Variants in CYB5RL observed in about 807,000 individuals in gnomAD.
CYB5RL encodes the protein NADH-cytochrome b5 reductase-like.
In CYB5RL, 38 loss-of-function variants were observed where a neutral mutation model predicts 37.5. The observed-to-expected ratio is 1.01, with a 90% CI of 0.78 to 1.33. The LOEUF (loss-of-function observed/expected upper bound fraction) is 1.33, where lower values mean the gene tolerates loss of function less well. Among genes scored for constraint, CYB5RL ranks in the 40% most tolerant of loss-of-function variants. The pLI is 0.00. For synonymous variants in CYB5RL, 141 were observed against 151.9 expected (o/e 0.93, Z 0.53); for missense variants, 388 against 394.4 (o/e 0.98, Z 0.14).
chr1:54,187,880 A>AAGTCCTG, intron 4 of CYB5RL, 141 bp from the exon 5 acceptor site: 1 of 658,144 alleles, frequency 1.5e-6, no homozygotes, highest in Non-Finnish European at 2.6e-6. Context: ...GTTTGAGACC[A>AAGTCCTG]GCCTGGACAA....
chr1:54,190,671 T>C (rs1172595042), intron 4 of CYB5RL, 77 bp downstream of exon 4: 1 of 1,534,620 alleles, frequency 6.5e-7, no homozygotes, highest in Non-Finnish European at 8.8e-7. Context: ...GAGAGTACGC[T>C]AGTTGGTCAA....
chr1:54,181,639 C>T (rs1293993595), intron 6 of CYB5RL, among the ~76,000 whole-genome samples: 1 of 152,266 alleles, frequency 6.6e-6, no homozygotes, highest in East Asian at 1.9e-4. Flanking sequence ...TACCATCAGG[C>T]CCTACAGCCT....
At chr1:54,190,134 T>C (rs559101162) in intron 4 of CYB5RL, among the ~76,000 whole-genome samples, 21 of 150,900 alleles carry the variant, frequency 1.4e-4, no homozygotes, top group Middle Eastern at 6.8e-3. Flanking sequence ...GTCTTGTCTC[T>C]GGGCAGGCAG....
At chr1:54,183,215 C>A (rs12068369) in intron 6 of CYB5RL, among the ~76,000 whole-genome samples, 6,517 of 152,222 alleles carry the variant, frequency 0.043, 362 homozygotes, top group East Asian at 0.26. Flanking sequence ...GTACCTGTAG[C>A]CCGGTTTACC....
intron 7 of CYB5RL, among the ~76,000 whole-genome samples, chr1:54,176,929 G>A (rs775660593): frequency 9.9e-5 from 15 of 152,188 alleles, no homozygotes; most frequent in Non-Finnish European, 1.6e-4. Context: ...GAGGGGTACA[G>A]AGGTGGGAGG....
chr1:54,175,823 A>G (rs1016113372), intron 7 of CYB5RL, among the ~76,000 whole-genome samples: 13 of 152,358 alleles, frequency 8.5e-5, no homozygotes, highest in African/African-American at 3.1e-4. Flanking sequence ...TGCATAGATT[A>G]CATGCAAATA....
Position 54,198,489 on chromosome 1 carries a change from C to T in CYB5RL, c.-223+1487G>A, listed in dbSNP as rs868005044. The stretch of plus-strand genomic sequence containing the variant: ...CTGGGACTACAGGCGCCCGCCACCA[C>T]GCCCAGCTAATTTTTTGTATTTTTA... On this transcript the variant is annotated intron_variant, in intron 1 of 7. Transcript: ENST00000534324. 2.7e-4 allele frequency among the ~76,000 whole-genome samples: 41 copies of T among 151,848 alleles called. 1 individual carries two copies. The highest frequency in any genetic ancestry group is 7.7e-4 in the African/African-American group (32 of 41,364).
In CYB5RL at chr1:54,173,347, A is replaced by T. The variant is rs1659938471; in HGVS notation, c.*1272T>A. The T allele has an allele frequency of 6.6e-6, 1 of 152,314 alleles. No homozygotes were observed. Among genetic ancestry groups the T allele is most frequent in the South Asian group, 2.1e-4 (1 of 4,828 alleles). The allele number at this position is 152,314 out of a possible 1,614,324, so 9.4% of individuals were successfully genotyped here. On this transcript the variant is annotated 3_prime_UTR_variant, in exon 8 of 8. Transcript: ENST00000534324. The stretch of plus-strand genomic sequence containing the variant: ...AAGGGGGTACTGGGGATCCATCTGG[A>T]GCTGTCCTTTCACTGCTGCTATGCA...
At chr1:54,190,222 G>A (rs10888837) in intron 4 of CYB5RL, among the ~76,000 whole-genome samples, 82,019 of 152,026 alleles carry the variant, frequency 0.54, 22,621 homozygotes, top group Non-Finnish European at 0.6. Context: ...GGTAAAGAGC[G>A]TAACTCAGGA....
At chr1:54,198,457 C>A (rs375236426) in intron 1 of CYB5RL, among the ~76,000 whole-genome samples, 2 of 151,236 alleles carry the variant, frequency 1.3e-5, no homozygotes, top group Non-Finnish European at 2.9e-5. Context: ...CTCAGCCTCC[C>A]GAGTAGCTGG....
At position 54,179,146 on chromosome 1, in the gene CYB5RL, C is replaced by G; in HGVS notation, c.744+3G>C. 1 of 1,611,428 alleles carries G rather than the reference C, an allele frequency of 6.2e-7. No homozygotes were observed. The highest frequency in any genetic ancestry group is 1.3e-5 in the African/African-American group (1 of 75,030). On this transcript the variant is annotated splice_donor_region_variant and intron_variant, in intron 7 of 7. Transcript: ENST00000534324. Reference sequence around the variant, plus strand: ...AAAAAGAAAGTCACCACCCTGGGCTCACCTGGCTGAGTACAAAGAAGGTAC... The same window carrying G: ...AAAAAGAAAGTCACCACCCTGGGCTGACCTGGCTGAGTACAAAGAAGGTAC...
chr1:54,198,072 C>T (rs1292653271), intron 1 of CYB5RL, among the ~76,000 whole-genome samples: 3 of 133,902 alleles, frequency 2.2e-5, no homozygotes, highest in Non-Finnish European at 3.1e-5. Context: ...GTATCTTATT[C>T]TTTCTGTATT....
intron 1 of CYB5RL, among the ~76,000 whole-genome samples, chr1:54,198,798 AT>A (rs545571241): frequency 6.0e-5 from 9 of 148,846 alleles, no homozygotes; most frequent in South Asian, 2.1e-4. Flanking sequence ...CGCCTCGCTA[AT>A]TTTTTTTTTA....
chr1:54,197,485 G>T (rs750129335), intron 1 of CYB5RL, among the ~76,000 whole-genome samples: 1 of 151,946 alleles, frequency 6.6e-6, no homozygotes, highest in South Asian at 2.1e-4. Flanking sequence ...CACAATGCCC[G>T]GCTAGGTTTT....
intron 6 of CYB5RL, among the ~76,000 whole-genome samples, chr1:54,183,313 A>T (rs975066137): frequency 2.0e-5 from 3 of 152,346 alleles, no homozygotes; most frequent in Non-Finnish European, 2.9e-5. Context: ...CAGAAGAGCC[A>T]GCATTTTGAT....
intron 4 of CYB5RL, 100 bp downstream of exon 4, chr1:54,190,648 T>C: frequency 1.4e-5 from 21 of 1,448,502 alleles, no homozygotes; most frequent in Non-Finnish European, 2.0e-5. Flanking sequence ...AGATGACAAA[T>C]GGAGGCTTAA....
chr1:54,193,476 C>G (rs913442449), intron 3 of CYB5RL, among the ~76,000 whole-genome samples: 1 of 152,118 alleles, frequency 6.6e-6, no homozygotes, highest in African/African-American at 2.4e-5. Flanking sequence ...ACGAACATTC[C>G]CCAGTCACTG....
At chr1:54,179,395 G>C (rs374725217) in intron 6 of CYB5RL, 43 bp from the exon 7 acceptor site, 2 of 1,574,784 alleles carry the variant, frequency 1.3e-6, no homozygotes, top group Non-Finnish European at 1.7e-6. Context: ...GGTTGGGAGA[G>C]TCTCACCTTA....
chr1:54,189,254 A>G (rs1643928406), intron 4 of CYB5RL, among the ~76,000 whole-genome samples: 1 of 152,226 alleles, frequency 6.6e-6, no homozygotes, highest in South Asian at 2.1e-4. Flanking sequence ...AGCACAGAGC[A>G]TGGCTTGGCT....
Sources: allele counts gnomAD v4.1 joint callset (sites outside exome capture counted in the v4.1 genomes callset), GRCh38; gene constraint gnomAD v4.1.1; transcripts MANE v1.5; gene names NCBI Gene and HGNC (gene_info 2026-07-23, HGNC 2026-07-21).